The following CDH12 variants were observed in gnomAD, a reference collection of about 807,000 sequenced individuals.
The protein encoded by CDH12 is cadherin 12, also known as cadherin-12.
In CDH12, 41 loss-of-function variants were observed where a neutral mutation model predicts 74.1. That is an observed-to-expected ratio of 0.55 (90% CI 0.43 to 0.72). The LOEUF is 0.72. CDH12 is among the 30% of genes least tolerant of loss of function. The pLI is 0.00. For synonymous variants in CDH12, 399 were observed against 355.0 expected, an observed-to-expected ratio of 1.12 and a Z score of -1.39; for missense variants, 945 against 977.2, an observed-to-expected ratio of 0.97 and a Z score of 0.44.
At chr5:22,620,918 T>C (rs1737938485) in intron 1 of CDH12, among the ~76,000 whole-genome samples, 1 of 152,214 alleles carries the variant, frequency 6.6e-6, no homozygotes, top group African/African-American at 2.4e-5. Context: ...ATTCATTTCC[T>C]TTGCTGCTGT....
chr5:22,066,411 T>C (rs985252859), intron 5 of CDH12, among the ~76,000 whole-genome samples: 5 of 152,164 alleles, frequency 3.3e-5, no homozygotes, highest in Non-Finnish European at 7.3e-5. Context: ...GGGGGACTAC[T>C]GGACATTAGC....
At chr5:22,528,276 A>AG (rs36040485) in intron 1 of CDH12, among the ~76,000 whole-genome samples, 3 of 152,106 alleles carry the variant, frequency 2.0e-5, no homozygotes, top group Admixed American at 6.6e-5. Flanking sequence ...CACTGTGAGT[A>AG]GGGGGGGTTG....
intron 1 of CDH12, among the ~76,000 whole-genome samples, 191 bp downstream of exon 1, chr5:22,852,867 G>C (rs1737619347): frequency 6.6e-6 from 1 of 152,100 alleles, no homozygotes. Flanking sequence ...GACTTGTTTA[G>C]AACTTACCGA....
At chr5:22,073,878 T>C (rs1742122424) in intron 5 of CDH12, among the ~76,000 whole-genome samples, 1 of 152,064 alleles carries the variant, frequency 6.6e-6, no homozygotes, top group African/African-American at 2.4e-5. Flanking sequence ...AATTGGTCCC[T>C]AAAAATGTGG....
intron 1 of CDH12, among the ~76,000 whole-genome samples, chr5:22,533,857 A>G (rs1737703838): frequency 6.6e-6 from 1 of 152,218 alleles, no homozygotes; most frequent in Admixed American, 6.5e-5. Flanking sequence ...ACATATATGT[A>G]TATTTCAAAA....
chr5:22,622,724 C>T (rs780566827), intron 1 of CDH12, among the ~76,000 whole-genome samples: 5 of 152,148 alleles, frequency 3.3e-5, no homozygotes, highest in East Asian at 1.9e-4. Context: ...GGATTCACAA[C>T]TGAATTCTAC....
intron 1 of CDH12, among the ~76,000 whole-genome samples, chr5:22,818,009 T>C (rs1357267186): frequency 1.3e-5 from 2 of 152,090 alleles, no homozygotes; most frequent in Non-Finnish European, 2.9e-5. Flanking sequence ...GGTTGTGTAG[T>C]GTGTGGGTCG....
At chr5:21,922,068 C>A (rs777829122) in intron 6 of CDH12, among the ~76,000 whole-genome samples, 1 of 152,102 alleles carries the variant, frequency 6.6e-6, no homozygotes, top group Non-Finnish European at 1.5e-5. Context: ...AAGGTAGAAA[C>A]GTCTCTGTGA....
At chr5:22,327,317 G>T (rs113998522) in intron 3 of CDH12, among the ~76,000 whole-genome samples, 1 of 151,884 alleles carries the variant, frequency 6.6e-6, no homozygotes, top group African/African-American at 2.4e-5. Context: ...AAACAAAAAT[G>T]TCATCAATTA....
intron 8 of CDH12, among the ~76,000 whole-genome samples, chr5:21,831,362 A>G (rs1749011987): frequency 6.6e-6 from 1 of 152,142 alleles, no homozygotes; most frequent in South Asian, 2.1e-4. Context: ...TCCTCTTCTA[A>G]AAATGTACAA....
chr5:21,903,875 G>A (rs906601297), intron 6 of CDH12, among the ~76,000 whole-genome samples: 1 of 152,034 alleles, frequency 6.6e-6, no homozygotes, highest in Non-Finnish European at 1.5e-5. Flanking sequence ...CTGAATAGTA[G>A]TTCCAGAAAA....
chr5:22,797,996 C>A (rs960676305), intron 1 of CDH12, among the ~76,000 whole-genome samples: 1 of 152,104 alleles, frequency 6.6e-6, no homozygotes, highest in African/African-American at 2.4e-5. Flanking sequence ...CATTTTCTCA[C>A]CAGCTTTGTT....
At chr5:22,585,370 T>C (rs796214587) in intron 1 of CDH12, among the ~76,000 whole-genome samples, 3 of 152,300 alleles carry the variant, frequency 2.0e-5, no homozygotes, top group African/African-American at 7.2e-5. Context: ...TCTTTAGGCA[T>C]AGAGCTCTTT....
At chr5:22,654,091 TCTTC>T (rs778604183) in intron 1 of CDH12, among the ~76,000 whole-genome samples, 7 of 138,430 alleles carry the variant, frequency 5.1e-5, no homozygotes, top group East Asian at 2.2e-4. Flanking sequence ...CCCCTTCCTT[TCTTC>T]CTTCCTTCCT....
intron 8 of CDH12, among the ~76,000 whole-genome samples, chr5:21,818,301 T>C (rs967485899): frequency 5.3e-5 from 8 of 151,968 alleles, no homozygotes; most frequent in Non-Finnish European, 4.4e-5. Flanking sequence ...GAAGTTACTA[T>C]AAATGTCTGT....
At chr5:21,833,251 A>G (rs372208618) in intron 8 of CDH12, among the ~76,000 whole-genome samples, 1,315 of 13,150 alleles carry the variant, frequency 0.1, 156 homozygotes, top group East Asian at 0.28. Flanking sequence ...TATATTATAT[A>G]TTATATAACA....
intron 4 of CDH12, among the ~76,000 whole-genome samples, chr5:22,190,358 G>A (rs4574516): frequency 0.14 from 16,428 of 119,666 alleles, 899 homozygotes; most frequent in Middle Eastern, 0.18. Flanking sequence ...CTGTCTGTCT[G>A]TCTATCTATC....
chr5:22,377,363 C>T (rs541147164), intron 3 of CDH12, among the ~76,000 whole-genome samples: 6 of 152,262 alleles, frequency 3.9e-5, no homozygotes, highest in East Asian at 3.9e-4. Context: ...TCAACAAGGT[C>T]GCCAATGACG....
At chr5:22,311,168 G>A (rs907145495) in intron 3 of CDH12, among the ~76,000 whole-genome samples, 1 of 152,148 alleles carries the variant, frequency 6.6e-6, no homozygotes, top group Non-Finnish European at 1.5e-5. Flanking sequence ...GAGTTTATTT[G>A]AGCCAAGCTT....
Sources: allele counts gnomAD v4.1 joint callset (sites outside exome capture counted in the v4.1 genomes callset), GRCh38; gene constraint gnomAD v4.1.1; transcripts MANE v1.5; gene names NCBI Gene and HGNC (gene_info 2026-07-23, HGNC 2026-07-21).